The following ADGRV1 variants were observed in gnomAD, a reference collection of about 807,000 sequenced individuals.
The protein encoded by ADGRV1 is G-protein coupled receptor 98.
Under a neutral mutation model 596.2 loss-of-function variants are expected in ADGRV1, and 359 were observed. That is an observed-to-expected ratio of 0.60 (90% confidence interval 0.55 to 0.66). The LOEUF is 0.66. Ranked by LOEUF, ADGRV1 falls within the 30% of genes least tolerant of loss-of-function variation. The pLI is 0.00. For synonymous variants in ADGRV1, 2,681 were observed against 2,679.2 expected, an observed-to-expected ratio of 1.00 and a Z score of -0.02; for missense variants, 7,274 against 7,575.6, an observed-to-expected ratio of 0.96 and a Z score of 1.48.
intron 83 of ADGRV1, among the ~76,000 whole-genome samples, chr5:90,894,457 G>A (rs572991677): frequency 2.1e-4 from 32 of 152,272 alleles, no homozygotes; most frequent in African/African-American, 7.2e-4. Flanking sequence ...CCTTTGCTTA[G>A]TGAGTTGTGG....
chr5:90,851,592 C>T (rs1486331865), intron 79 of ADGRV1, among the ~76,000 whole-genome samples: 1 of 152,160 alleles, frequency 6.6e-6, no homozygotes, highest in Non-Finnish European at 1.5e-5. Context: ...CCAGGTGGCA[C>T]TGAGGGTCCA....
chr5:91,091,466 A>C (rs1790379662), intron 86 of ADGRV1: 1 of 152,052 alleles, frequency 6.6e-6, no homozygotes, highest in South Asian at 2.1e-4. Flanking sequence ...GCCTTTTTTT[A>C]ATTCATTAAA....
chr5:90,747,816 C>T lies in ADGRV1; in HGVS notation c.10974+2021C>T, dbSNP rs151267246. ...TGAAATTCCAGTTCCCAGACACCAG[C>T]GGATAGCCGACCTGTGAACAAGCCT... is the stretch of plus-strand genomic sequence containing the variant. On this transcript the variant is annotated intron_variant, in intron 52 of 89. Transcript: ENST00000405460. Among the ~76,000 whole-genome samples, 447 of 152,296 alleles carry T rather than the reference C, an allele frequency of 2.9e-3. 3 individuals carry two copies. The highest frequency in any genetic ancestry group is 9.7e-3 in the African/African-American group (403 of 41,556).
At chr5:91,038,346 T>C (rs1415566838) in intron 85 of ADGRV1, among the ~76,000 whole-genome samples, 1 of 152,314 alleles carries the variant, frequency 6.6e-6, no homozygotes, top group South Asian at 2.1e-4. Context: ...CTCATTATAT[T>C]AGCATTTTAA....
chr5:90,659,024 G>A (rs1274037778), intron 21 of ADGRV1, among the ~76,000 whole-genome samples: 3 of 152,162 alleles, frequency 2.0e-5, no homozygotes, highest in African/African-American at 7.2e-5. Context: ...AAAAATGGAT[G>A]AGTAGAGTTT....
At chr5:90,697,504 G>A (rs1057235866) in intron 34 of ADGRV1, among the ~76,000 whole-genome samples, 1 of 147,574 alleles carries the variant, frequency 6.8e-6, no homozygotes, top group African/African-American at 2.7e-5. Context: ...CATAGTTCCT[G>A]GCAAGTATAG....
At chr5:91,118,055 T>C (rs905715653) in intron 87 of ADGRV1, among the ~76,000 whole-genome samples, 3 of 152,138 alleles carry the variant, frequency 2.0e-5, no homozygotes, top group African/African-American at 7.2e-5. Flanking sequence ...ATTTGATAAG[T>C]TCACAGGAAT....
intron 83 of ADGRV1, among the ~76,000 whole-genome samples, chr5:90,887,714 G>A (rs2150569111): frequency 6.6e-6 from 1 of 152,290 alleles, no homozygotes; most frequent in Admixed American, 6.5e-5. Context: ...AAATTTGATA[G>A]CGAAAGTGTA....
chr5:90,600,669 C>T (rs1761285706), intron 1 of ADGRV1, among the ~76,000 whole-genome samples: 1 of 152,122 alleles, frequency 6.6e-6, no homozygotes, highest in African/African-American at 2.4e-5. Flanking sequence ...GGTATATACC[C>T]AGTAATGGGA....
chr5:91,135,424 A>G, intron 87 of ADGRV1, among the ~76,000 whole-genome samples: 1 of 152,164 alleles, frequency 6.6e-6, no homozygotes, highest in East Asian at 1.9e-4. Context: ...ATAAAATCTG[A>G]TTACATACCT....
intron 50 of ADGRV1, among the ~76,000 whole-genome samples, chr5:90,740,788 C>T (rs1301274717): frequency 6.6e-6 from 1 of 152,214 alleles, no homozygotes; most frequent in African/African-American, 2.4e-5. Flanking sequence ...ATGTCTGCCT[C>T]CAACTCAACT....
chr5:91,063,102 C>A (rs893627471), intron 85 of ADGRV1, among the ~76,000 whole-genome samples: 1 of 151,370 alleles, frequency 6.6e-6, no homozygotes, highest in South Asian at 2.1e-4. Context: ...GGAACACAGG[C>A]ATGGTGCCAC....
At position 90,646,090 on chromosome 5, in the gene ADGRV1, A is replaced by T. The variant is rs753821867; in HGVS notation, c.3021A>T (p.Ala1007=). ...GAAATGATGACCCCATTTATTTTGC[A>T]GGTGGTATTGCTGTCTTATTTGAAT... The part of the protein sequence containing the change: ...IRRNDDPIYF[A]EPRVVRVQEG... The change falls in exon 16 of 90, where the codon GCA becomes GCT. Residue 1007 remains alanine, a splice_region_variant and synonymous_variant. Transcript: ENST00000405460. 9 of 1,559,086 alleles carry T rather than the reference A, an allele frequency of 5.8e-6. No homozygotes were observed. The highest frequency in any genetic ancestry group is 5.2e-6 in the Non-Finnish European group (6 of 1,151,374).
chr5:90,596,033 C>T (rs568025472), intron 1 of ADGRV1, among the ~76,000 whole-genome samples: 24 of 145,242 alleles, frequency 1.7e-4, no homozygotes, highest in South Asian at 4.5e-4. Flanking sequence ...ACTTCTCATA[C>T]GGGGTGGCTG....
intron 85 of ADGRV1, among the ~76,000 whole-genome samples, chr5:91,020,316 G>GACAC (rs1783531098): frequency 6.6e-6 from 1 of 151,916 alleles, no homozygotes; most frequent in Non-Finnish European, 1.5e-5. Context: ...TCTTAGTGCT[G>GACAC]ACACACTCAC....
intron 59 of ADGRV1, among the ~76,000 whole-genome samples, chr5:90,765,324 T>C (rs1230150746): frequency 3.3e-5 from 5 of 152,114 alleles, no homozygotes; most frequent in African/African-American, 9.7e-5. Context: ...GAGCTGTCTT[T>C]GATTTTCTTT....
At chr5:91,008,757 A>G (rs1460112758) in intron 85 of ADGRV1, among the ~76,000 whole-genome samples, 2 of 152,064 alleles carry the variant, frequency 1.3e-5, no homozygotes, top group Admixed American at 6.6e-5. Context: ...CGTCTCGGTC[A>G]CTGAAAGTGC....
chr5:91,074,894 C>T (rs775205866), intron 86 of ADGRV1, among the ~76,000 whole-genome samples: 3 of 152,088 alleles, frequency 2.0e-5, no homozygotes, highest in South Asian at 2.1e-4. Flanking sequence ...AGTGGTATCT[C>T]ATTGTGGTTT....
intron 83 of ADGRV1, among the ~76,000 whole-genome samples, chr5:90,920,453 T>A (rs975989558): frequency 2.6e-5 from 4 of 152,276 alleles, no homozygotes; most frequent in African/African-American, 7.2e-5. Flanking sequence ...TAAAAAAAAA[T>A]TTCTCTTCAG....
Sources: allele counts gnomAD v4.1 joint callset (sites outside exome capture counted in the v4.1 genomes callset), GRCh38; gene constraint gnomAD v4.1.1; transcripts MANE v1.5; gene names NCBI Gene and HGNC (gene_info 2026-07-23, HGNC 2026-07-21).